Variants in CHN2 observed in about 807,000 individuals in gnomAD.
The protein encoded by CHN2 is beta-chimaerin.
CHN2 carries 35 observed loss-of-function variants against 56.3 expected under a neutral mutation model. The observed-to-expected ratio is 0.62, with a 90% CI of 0.47 to 0.82. The LOEUF (loss-of-function observed/expected upper bound fraction) is 0.82. CHN2 is among the 40% of genes least tolerant of loss of function. The pLI, the probability that CHN2 is intolerant of heterozygous loss-of-function variation, is 0.00. For missense variants in CHN2, 491 were observed against 580.5 expected (o/e 0.85, Z 1.58); for synonymous variants, 210 against 212.8 (o/e 0.99, Z 0.12).
chr7:29,421,531 G>C (rs1351384428), intron 6 of CHN2, among the ~76,000 whole-genome samples: 1 of 152,110 alleles, frequency 6.6e-6, no homozygotes. Context: ...AGTGACTATT[G>C]GGACAACCAA....
At chr7:29,424,662 A>G (rs1804669188) in intron 6 of CHN2, among the ~76,000 whole-genome samples, 1 of 152,100 alleles carries the variant, frequency 6.6e-6, no homozygotes, top group Non-Finnish European at 1.5e-5. Flanking sequence ...AATTTTGGAG[A>G]TTTTACAAAC....
At chr7:29,268,079 A>G (rs1432284737) in intron 1 of CHN2, among the ~76,000 whole-genome samples, 1 of 152,128 alleles carries the variant, frequency 6.6e-6, no homozygotes, top group Non-Finnish European at 1.5e-5. Flanking sequence ...GTTAGGACAG[A>G]AGTCCTTTTG....
At chr7:29,185,331 A>G (rs1798580469) in intron 2 of CHN2, among the ~76,000 whole-genome samples, 1 of 152,196 alleles carries the variant, frequency 6.6e-6, no homozygotes, top group Admixed American at 6.5e-5. Flanking sequence ...ACATGGACCA[A>G]AATTTGAAGA....
At chr7:29,165,566 C>G (rs951988950) in intron 2 of CHN2, among the ~76,000 whole-genome samples, 2 of 152,062 alleles carry the variant, frequency 1.3e-5, no homozygotes, top group African/African-American at 4.8e-5. Context: ...TTCATTAATA[C>G]ATTTGCCATA....
chr7:29,389,878 A>C (rs954161460), intron 3 of CHN2, among the ~76,000 whole-genome samples: 4 of 150,650 alleles, frequency 2.7e-5, no homozygotes, highest in Non-Finnish European at 4.4e-5. Flanking sequence ...ACATGGTGAA[A>C]CCCCCGTCTC....
chr7:29,430,301 A>G lies in CHN2; in HGVS notation c.576+29473A>G, dbSNP rs571447027. 1.9e-3 allele frequency among the ~76,000 whole-genome samples: 290 copies of G among 152,318 alleles called. 2 individuals carry two copies. Among genetic ancestry groups the G allele is most frequent in the African/African-American group, 6.7e-3 (278 of 41,564 alleles). On this transcript the variant is annotated intron_variant, in intron 6 of 12. Transcript: ENST00000222792. The stretch of plus-strand genomic sequence containing the variant: ...ATGGCCTACCCCCTTGATTTGGTCA[A>G]CAAGTGCACAGGAAGATTGCTGTTC...
intron 6 of CHN2, among the ~76,000 whole-genome samples, chr7:29,468,684 G>A (rs149407682): frequency 6.6e-6 from 1 of 152,186 alleles, no homozygotes; most frequent in East Asian, 1.9e-4. Context: ...TAAAACACGT[G>A]CAATCAGATT....
At chr7:29,443,014 C>T (rs554791137) in intron 6 of CHN2, among the ~76,000 whole-genome samples, 1 of 144,030 alleles carries the variant, frequency 6.9e-6, no homozygotes, top group African/African-American at 2.7e-5. Flanking sequence ...AATCTCGGCT[C>T]ACTGCAAACT....
At chr7:29,318,171 T>G (rs1304205235) in intron 1 of CHN2, among the ~76,000 whole-genome samples, 1 of 152,164 alleles carries the variant, frequency 6.6e-6, no homozygotes, top group Non-Finnish European at 1.5e-5. Context: ...TGTGGAATTT[T>G]TCAGGTGGAA....
intron 1 of CHN2, among the ~76,000 whole-genome samples, chr7:29,269,942 C>G (rs954778871): frequency 6.6e-6 from 1 of 152,198 alleles, no homozygotes; most frequent in Non-Finnish European, 1.5e-5. Flanking sequence ...GTCCTATCTA[C>G]CTACCTGCTT....
At chr7:29,365,198 A>G (rs1799055732) in intron 2 of CHN2, among the ~76,000 whole-genome samples, 1 of 152,218 alleles carries the variant, frequency 6.6e-6, no homozygotes, top group Non-Finnish European at 1.5e-5. Flanking sequence ...CCAGCCCTGT[A>G]CTTACTGTAC....
In CHN2 at chr7:29,233,825, A is replaced by ATTTTTTTTTTTTTTTTTTTTTTTTT. The variant is rs1175429614; in HGVS notation, c.49+38837_49+38861dup. Among the ~76,000 whole-genome samples the ATTTTTTTTTTTTTTTTTTTTTTTTT allele has an allele frequency of 5.6e-5, 3 of 53,202 alleles. 1 individual carries two copies. The highest frequency in any genetic ancestry group is 1.0e-4 in the Non-Finnish European group (3 of 29,100). 34.9% of individuals were successfully genotyped at this position (53,202 alleles called of 152,430 possible). A position where few individuals can be genotyped will look rare whatever the true frequency, so the allele number is the denominator to read the frequency against. On this transcript the variant is annotated intron_variant, in intron 1 of 12. Coordinates refer to ENST00000222792, the MANE Select transcript of CHN2 (RefSeq NM_004067.4). ...AGAATGCAGCCCTGCCAACACCTTG[A>ATTTTTTTTTTTTTTTTTTTTTTTTT]TTTTTTTTTTTTTTTTTTTTTTTTT...
upstream of CHN2, chr7:29,193,478 T>C (rs1783162568): frequency 1.3e-5 from 2 of 152,236 alleles, no homozygotes; most frequent in South Asian, 2.1e-4. Context: ...TTTCCATTTT[T>C]GCTATATAAT....
intron 6 of CHN2, among the ~76,000 whole-genome samples, chr7:29,474,444 G>A (rs551773819): frequency 2.0e-5 from 3 of 152,078 alleles, no homozygotes; most frequent in Non-Finnish European, 2.9e-5. Flanking sequence ...AACTTTTCCC[G>A]GCTTTTGATC....
At chr7:29,403,344 T>C (rs961589294) in intron 6 of CHN2, among the ~76,000 whole-genome samples, 1 of 151,600 alleles carries the variant, frequency 6.6e-6, no homozygotes, top group Non-Finnish European at 1.5e-5. Flanking sequence ...GGTACCTGTT[T>C]GCTTTGCTAA....
chr7:29,395,720 G>A (rs1333166354), intron 4 of CHN2, among the ~76,000 whole-genome samples: 1 of 152,170 alleles, frequency 6.6e-6, no homozygotes, highest in Non-Finnish European at 1.5e-5. Context: ...GGAGATATTT[G>A]GACTTTTAAA....
chr7:29,454,679 A>C (rs1784625728), intron 6 of CHN2, among the ~76,000 whole-genome samples: 2 of 152,308 alleles, frequency 1.3e-5, no homozygotes, highest in South Asian at 2.1e-4. Context: ...GCTTCTGCCC[A>C]AAAATGACAC....
chr7:29,369,761 G>A (rs922010816), intron 3 of CHN2, among the ~76,000 whole-genome samples: 3 of 152,054 alleles, frequency 2.0e-5, no homozygotes, highest in African/African-American at 2.4e-5. Flanking sequence ...ACCATCCAGC[G>A]GGCTGAGGGT....
chr7:29,156,616 GT>G (rs1464062152), intron 2 of CHN2, among the ~76,000 whole-genome samples: 4 of 151,928 alleles, frequency 2.6e-5, no homozygotes, highest in East Asian at 1.9e-4. Context: ...AACTTTGTGG[GT>G]TTTTTTTCCT....
Sources: allele counts gnomAD v4.1 joint callset (sites outside exome capture counted in the v4.1 genomes callset), GRCh38; gene constraint gnomAD v4.1.1; transcripts MANE v1.5; gene names NCBI Gene and HGNC (gene_info 2026-07-23, HGNC 2026-07-21).